Variants in ZHX2 observed in about 807,000 individuals in gnomAD.
ZHX2 encodes zinc fingers and homeoboxes protein 2.
In ZHX2, 6 loss-of-function variants were observed where a neutral mutation model predicts 21.9. That is an observed-to-expected ratio of 0.27 (90% CI 0.15 to 0.54). ZHX2 has a LOEUF of 0.54. Among genes scored for constraint, ZHX2 ranks in the 20% least tolerant of loss-of-function variants. The pLI is 0.95. For synonymous variants in ZHX2, 434 were observed against 437.1 expected (o/e 0.99, Z 0.09); for missense variants, 908 against 1,090.7 (o/e 0.83, Z 2.36).
chr8:122,816,950 G>A (rs1330118996), intron 1 of ZHX2, among the ~76,000 whole-genome samples: 1 of 151,626 alleles, frequency 6.6e-6, no homozygotes, highest in Non-Finnish European at 1.5e-5. Flanking sequence ...CAGGGACCCA[G>A]GCTCCTTCCC....
At position 122,951,412 on chromosome 8, in the gene ZHX2, G is replaced by T; in HGVS notation, c.-99G>T. 1 of 1,078,576 alleles carries T rather than the reference G, an allele frequency of 9.3e-7. No homozygotes were observed. 66.8% of individuals were successfully genotyped at this position (1,078,576 alleles called of 1,614,324 possible). ...AGGAAAGCCAAAGCCATTTGAGGGG[G>T]AATAAAGCCAAAAGCCTTTCACCTT... On this transcript the variant is annotated 5_prime_UTR_variant, in exon 3 of 4. Coordinates refer to ENST00000314393, the MANE Select transcript of ZHX2 (RefSeq NM_014943.5).
chr8:122,875,159 A>T lies in ZHX2; in HGVS notation c.-220+11620A>T, dbSNP rs1348779056. ...TATATATATATATATATATATATAT[A>T]TATATATATATATATATATATATAT... On this transcript the variant is annotated intron_variant, in intron 2 of 3. Transcript: ENST00000314393. Among the ~76,000 whole-genome samples the T allele has an allele frequency of 3.8e-3, 87 of 22,638 alleles. 3 individuals carry two copies. The highest frequency in any genetic ancestry group is 0.015 in the African/African-American group (73 of 4,822). The allele number at this position is 22,638 out of a possible 152,430, so 14.9% of individuals were successfully genotyped here.
At chr8:122,802,799 G>A (rs1817744805) in intron 1 of ZHX2, among the ~76,000 whole-genome samples, 1 of 152,202 alleles carries the variant, frequency 6.6e-6, no homozygotes, top group South Asian at 2.1e-4. Context: ...AAGGCTGGCA[G>A]GGGGCTGCCC....
intron 2 of ZHX2, among the ~76,000 whole-genome samples, chr8:122,886,239 A>G (rs1819840284): frequency 6.6e-6 from 1 of 152,256 alleles, no homozygotes; most frequent in Admixed American, 6.5e-5. Flanking sequence ...AAAAGGCTAG[A>G]TACTGTATGA....
chr8:122,927,188 A>G (rs777757520), intron 2 of ZHX2, among the ~76,000 whole-genome samples: 1 of 152,180 alleles, frequency 6.6e-6, no homozygotes, highest in Admixed American at 6.5e-5. Context: ...GTCTGTTCTC[A>G]TGCTGCTAAT....
At chr8:122,884,428 A>T (rs539181286) in intron 2 of ZHX2, among the ~76,000 whole-genome samples, 5 of 152,358 alleles carry the variant, frequency 3.3e-5, no homozygotes, top group African/African-American at 9.6e-5. Context: ...ATTACAGCAG[A>T]ACTGACAGTG....
At chr8:122,827,938 C>A (rs1419943580) in intron 1 of ZHX2, among the ~76,000 whole-genome samples, 2 of 152,136 alleles carry the variant, frequency 1.3e-5, no homozygotes, top group Admixed American at 1.3e-4. Context: ...CATGGCGAGA[C>A]CCTGCCTCTA....
At chr8:122,806,385 G>A (rs1333043284) in intron 1 of ZHX2, among the ~76,000 whole-genome samples, 1 of 152,196 alleles carries the variant, frequency 6.6e-6, no homozygotes, top group East Asian at 1.9e-4. Context: ...TGAGAGCTGA[G>A]AAAGTCATCA....
chr8:122,830,965 T>C (rs990514002), intron 1 of ZHX2, among the ~76,000 whole-genome samples: 5 of 152,124 alleles, frequency 3.3e-5, no homozygotes, highest in African/African-American at 1.2e-4. Context: ...TGCCTAACGA[T>C]TGAGGCCTGT....
At chr8:122,869,444 C>T (rs761067768) in intron 2 of ZHX2, among the ~76,000 whole-genome samples, 3 of 152,152 alleles carry the variant, frequency 2.0e-5, no homozygotes, top group Non-Finnish European at 2.9e-5. Context: ...TCTCCTGCCT[C>T]AGCTTCCCAA....
intron 2 of ZHX2, among the ~76,000 whole-genome samples, chr8:122,872,922 C>A (rs1374087085): frequency 1.3e-5 from 2 of 152,134 alleles, no homozygotes; most frequent in Admixed American, 1.3e-4. Context: ...TCTCAGCAAC[C>A]CCCGTAGAAA....
At chr8:122,948,999 C>T (rs1034953579) in intron 2 of ZHX2, among the ~76,000 whole-genome samples, 13 of 152,006 alleles carry the variant, frequency 8.6e-5, no homozygotes, top group African/African-American at 1.4e-4. Context: ...ACATGTTAAA[C>T]GTTAAAAAAT....
intron 2 of ZHX2, among the ~76,000 whole-genome samples, chr8:122,939,136 A>C (rs555750937): frequency 1.3e-5 from 2 of 152,330 alleles, no homozygotes; most frequent in African/African-American, 4.8e-5. Flanking sequence ...CAGGCACAGA[A>C]CCAAATATAC....
chr8:122,950,260 T>C (rs960247235), intron 2 of ZHX2, among the ~76,000 whole-genome samples: 9 of 152,228 alleles, frequency 5.9e-5, no homozygotes, highest in African/African-American at 2.2e-4. Flanking sequence ...AGAATGAGTT[T>C]ATGTCCTTTG....
chr8:122,947,759 G>A (rs1813014431), intron 2 of ZHX2, among the ~76,000 whole-genome samples: 1 of 152,064 alleles, frequency 6.6e-6, no homozygotes. Flanking sequence ...TGTTCTGGCA[G>A]AGGTGCTGTG....
chr8:122,798,176 C>T (rs1480538765), intron 1 of ZHX2, among the ~76,000 whole-genome samples: 1 of 152,172 alleles, frequency 6.6e-6, no homozygotes, highest in East Asian at 1.9e-4. Flanking sequence ...CTCTTGAAAG[C>T]TTTCTGGATA....
intron 1 of ZHX2, among the ~76,000 whole-genome samples, chr8:122,840,396 A>T (rs1420579930): frequency 6.6e-6 from 1 of 152,192 alleles, no homozygotes; most frequent in East Asian, 1.9e-4. Context: ...CCAGTCCCTG[A>T]TCCCAGGTTT....
chr8:122,946,042 C>A (rs1641839588), intron 2 of ZHX2, among the ~76,000 whole-genome samples: 1 of 152,232 alleles, frequency 6.6e-6, no homozygotes, highest in African/African-American at 2.4e-5. Flanking sequence ...AGAACCACGA[C>A]TTGCAACAGG....
intron 1 of ZHX2, among the ~76,000 whole-genome samples, chr8:122,856,979 C>T (rs1404449890): frequency 6.6e-6 from 1 of 152,078 alleles, no homozygotes; most frequent in East Asian, 1.9e-4. Flanking sequence ...CTGGCCTTCT[C>T]GGCTCCAGCC....
Sources: gnomAD v4.1 joint callset for allele counts (sites outside exome capture counted in the v4.1 genomes callset) on GRCh38, gnomAD v4.1.1 for gene constraint, MANE v1.5 for transcripts, NCBI Gene and HGNC (gene_info 2026-07-23, HGNC 2026-07-21) for gene names.